AFG1L: variants seen among roughly 807,000 people sequenced by gnomAD.
AFG1L encodes the protein AFG1 like ATPase.
In AFG1L, 53 loss-of-function variants were observed where a neutral mutation model predicts 62.2. That is an observed-to-expected ratio of 0.85 (90% CI 0.68 to 1.07). The LOEUF (loss-of-function observed/expected upper bound fraction) is 1.07. Among genes scored for constraint, AFG1L ranks in the 50% least tolerant of loss-of-function variants. The probability of loss-of-function intolerance (pLI) is 0.00; values close to 1 mark genes in which losing one functional copy is unlikely to be tolerated. For synonymous variants in AFG1L, 228 were observed against 210.3 expected (o/e 1.08, Z -0.73); for missense variants, 555 against 590.5 (o/e 0.94, Z 0.62).
intron 11 of AFG1L, among the ~76,000 whole-genome samples, chr6:108,511,410 C>T (rs1774648417): frequency 6.6e-6 from 1 of 152,128 alleles, no homozygotes; most frequent in Non-Finnish European, 1.5e-5. Flanking sequence ...CAAGAGTGGG[C>T]CCTGGGGTCA....
intron 10 of AFG1L, among the ~76,000 whole-genome samples, chr6:108,509,672 C>CT (rs1222632464): frequency 6.6e-6 from 1 of 152,178 alleles, no homozygotes; most frequent in African/African-American, 2.4e-5. Context: ...TCTCTTGCCC[C>CT]TTTTTCACAT....
chr6:108,462,043 C>G (rs538910629), intron 8 of AFG1L, among the ~76,000 whole-genome samples: 1 of 151,498 alleles, frequency 6.6e-6, no homozygotes, highest in South Asian at 2.1e-4. Context: ...TGCAGTGAGC[C>G]GAGATTGTAC....
chr6:108,431,885 G>C (rs1348721728), intron 7 of AFG1L, among the ~76,000 whole-genome samples: 1 of 151,528 alleles, frequency 6.6e-6, no homozygotes, highest in Non-Finnish European at 1.5e-5. Flanking sequence ...CGCTCAGCCC[G>C]GCCCTCACCT....
chr6:108,342,045 G>A lies in AFG1L; in HGVS notation c.364-4943G>A, dbSNP rs150704169. On this transcript the variant is annotated intron_variant, in intron 2 of 12. Transcript: ENST00000368977. ...GGCTTAAGGCAGCAAACAAGGGATG[G>A]AAGGGCAAAGGAGGAGACTGGTGAG... Among the ~76,000 whole-genome samples the A allele has an allele frequency of 5.8e-3, 883 of 152,332 alleles. 7 individuals are homozygous for A. The highest frequency in any genetic ancestry group is 0.046 in the South Asian group (220 of 4,826).
At chr6:108,364,692 A>G (rs1779680331) in intron 5 of AFG1L, among the ~76,000 whole-genome samples, 1 of 152,184 alleles carries the variant, frequency 6.6e-6, no homozygotes, top group Admixed American at 6.5e-5. Context: ...GCATTTGAAA[A>G]GGACTTTCTC....
chr6:108,329,929 G>A (rs1778202688), intron 2 of AFG1L, among the ~76,000 whole-genome samples: 1 of 152,150 alleles, frequency 6.6e-6, no homozygotes, highest in African/African-American at 2.4e-5. Flanking sequence ...GATCTCTGCT[G>A]TCATGAATGG....
chr6:108,390,210 C>T (rs901389761), intron 6 of AFG1L, among the ~76,000 whole-genome samples: 9 of 152,272 alleles, frequency 5.9e-5, no homozygotes, highest in South Asian at 4.1e-4. Context: ...CCATGATTTT[C>T]GGCTCCATCA....
intron 2 of AFG1L, among the ~76,000 whole-genome samples, chr6:108,341,544 ACAG>A (rs1778683809): frequency 6.6e-6 from 1 of 152,136 alleles, no homozygotes; most frequent in South Asian, 2.1e-4. Context: ...AGATAAGGAG[ACAG>A]CAGGTTGGAG....
At chr6:108,390,111 G>A (rs1051611991) in intron 6 of AFG1L, among the ~76,000 whole-genome samples, 19 of 151,630 alleles carry the variant, frequency 1.3e-4, no homozygotes, top group South Asian at 1.3e-3. Flanking sequence ...TTCTCTTCTC[G>A]CTTCATTTCA....
intron 1 of AFG1L, among the ~76,000 whole-genome samples, chr6:108,311,705 A>G (rs749091461): frequency 1.3e-5 from 2 of 151,798 alleles, no homozygotes; most frequent in Non-Finnish European, 2.9e-5. Context: ...CCAGCTCGCC[A>G]CTGATTGTAT....
At chr6:108,333,914 A>G (rs1778373218) in intron 2 of AFG1L, among the ~76,000 whole-genome samples, 1 of 152,228 alleles carries the variant, frequency 6.6e-6, no homozygotes, top group South Asian at 2.1e-4. Flanking sequence ...GGTGTTCCAT[A>G]TAGTCTTCAA....
Position 108,476,844 on chromosome 6 carries a change from C to A in AFG1L, c.891-21C>A, listed in dbSNP as rs750508485. On this transcript the variant is annotated intron_variant, in intron 8 of 12. Coordinates refer to ENST00000368977, the MANE Select transcript of AFG1L (RefSeq NM_145315.5). ...CTTCAAGTGTTATTAATTTCATATT[C>A]TATTATTCTTTTCACTGTAGCACAA... is the stretch of plus-strand genomic sequence containing the variant. The A allele has an allele frequency of 3.2e-6, 5 of 1,586,988 alleles. No homozygotes were observed. The South Asian group carries it at 4.4e-5, about 14-fold the overall frequency.
In AFG1L at chr6:108,303,692, G is replaced by A. The variant is rs531495883; in HGVS notation, c.139+8474G>A. 6.6e-4 allele frequency among the ~76,000 whole-genome samples: 100 copies of A among 152,242 alleles called. 2 individuals carry two copies. In the South Asian group the frequency reaches 0.02, roughly 31 times the overall value. The stretch of plus-strand genomic sequence containing the variant: ...GTTTTCAACAAGTTTTTAAGCCTGA[G>A]CATGTAATTCTTTATAGTCGTTCCT... On this transcript the variant is annotated intron_variant, in intron 1 of 12. Coordinates refer to ENST00000368977, the MANE Select transcript of AFG1L (RefSeq NM_145315.5).
chr6:108,372,332 CTT>C (rs1188752721), intron 6 of AFG1L, among the ~76,000 whole-genome samples: 21 of 136,054 alleles, frequency 1.5e-4, no homozygotes, highest in Admixed American at 5.1e-4. Context: ...CAAACTTGTT[CTT>C]TTTTTTTTTT....
chr6:108,300,450 C>G (rs946048138), intron 1 of AFG1L, among the ~76,000 whole-genome samples: 5 of 152,156 alleles, frequency 3.3e-5, no homozygotes, highest in Non-Finnish European at 7.4e-5. Context: ...CCAGACCCAT[C>G]CCCTGATTAG....
At chr6:108,511,764 G>A (rs190018071) in intron 11 of AFG1L, among the ~76,000 whole-genome samples, 5 of 152,336 alleles carry the variant, frequency 3.3e-5, no homozygotes, top group Non-Finnish European at 4.4e-5. Context: ...AACAGAATCT[G>A]CTGGGAGGGA....
chr6:108,404,038 A>G (rs1781747172), intron 7 of AFG1L, among the ~76,000 whole-genome samples: 1 of 152,134 alleles, frequency 6.6e-6, no homozygotes, highest in African/African-American at 2.4e-5. Context: ...GTATATGACA[A>G]AACATCAATG....
chr6:108,378,657 A>G (rs1405720301), intron 6 of AFG1L, among the ~76,000 whole-genome samples: 1 of 151,898 alleles, frequency 6.6e-6, no homozygotes, highest in Non-Finnish European at 1.5e-5. Context: ...CTGAGTTTCT[A>G]TTTTGGTTAG....
intron 6 of AFG1L, among the ~76,000 whole-genome samples, chr6:108,399,893 C>T (rs979770752): frequency 2.7e-5 from 4 of 150,740 alleles, no homozygotes; most frequent in Non-Finnish European, 3.0e-5. Context: ...ATCCTTCCAC[C>T]TCAACTTCCT....
Sources: gnomAD v4.1 joint callset for allele counts (sites outside exome capture counted in the v4.1 genomes callset) on GRCh38, gnomAD v4.1.1 for gene constraint, MANE v1.5 for transcripts, NCBI Gene and HGNC (gene_info 2026-07-23, HGNC 2026-07-21) for gene names.